The following NRXN3 variants were observed in gnomAD, a reference collection of about 807,000 sequenced individuals.
The protein encoded by NRXN3 is neurexin III.
In NRXN3, 32 loss-of-function variants were observed where a neutral mutation model predicts 137.6. The ratio of observed to expected loss-of-function variants is 0.23; its 90% CI spans 0.18 to 0.31. NRXN3 has a LOEUF of 0.31. Ranked by LOEUF, NRXN3 falls within the 10% of genes least tolerant of loss-of-function variation. The pLI is 1.00. For missense variants in NRXN3, 1,574 were observed against 2,062.5 expected, an observed-to-expected ratio of 0.76 and a Z score of 4.59; for synonymous variants, 798 against 784.5, an observed-to-expected ratio of 1.02 and a Z score of -0.29.
chr14:78,406,510 T>C (rs1397718652), intron 4 of NRXN3, among the ~76,000 whole-genome samples: 1 of 152,114 alleles, frequency 6.6e-6, no homozygotes, highest in African/African-American at 2.4e-5. Flanking sequence ...AGAATAAATT[T>C]TGCAAAAGGA....
intron 10 of NRXN3, among the ~76,000 whole-genome samples, chr14:78,952,937 T>A (rs1290190329): frequency 6.6e-6 from 1 of 152,192 alleles, no homozygotes; most frequent in Non-Finnish European, 1.5e-5. Context: ...ATGGAAGGAA[T>A]TTCTACCCCC....
chr14:79,276,593 C>A (rs546850759), intron 15 of NRXN3, among the ~76,000 whole-genome samples: 32 of 151,732 alleles, frequency 2.1e-4, no homozygotes, highest in Non-Finnish European at 3.5e-4. Flanking sequence ...TTTTGTACTG[C>A]ATTAAGGATT....
At chr14:79,457,440 G>A (rs1386760642) in intron 15 of NRXN3, among the ~76,000 whole-genome samples, 4 of 152,094 alleles carry the variant, frequency 2.6e-5, no homozygotes, top group Non-Finnish European at 4.4e-5. Context: ...AAGTGTTGTC[G>A]CCTTCTTAAT....
At chr14:79,333,811 T>C (rs2092001242) in intron 15 of NRXN3, among the ~76,000 whole-genome samples, 1 of 152,210 alleles carries the variant, frequency 6.6e-6, no homozygotes, top group African/African-American at 2.4e-5. Flanking sequence ...TCAGATATCC[T>C]TGTGCAGTGA....
chr14:78,539,510 A>G lies in NRXN3; in HGVS notation c.758-105610A>G, dbSNP rs1600144950. ...TTGATTCTTCTCTCTTTTCTTCTTT[A>G]TTAGTCTTGCTAGTGATCTATCAAT... On this transcript the variant is annotated intron_variant, in intron 4 of 20. Transcript: ENST00000335750. Among the ~76,000 whole-genome samples the G allele has an allele frequency of 2.0e-5, 3 of 150,932 alleles. No individual in the cohort carries two copies. In the East Asian group the frequency reaches 5.9e-4, roughly 29 times the overall value.
intron 3 of NRXN3, among the ~76,000 whole-genome samples, chr14:78,296,382 T>C (rs766130144): frequency 5.3e-5 from 8 of 152,146 alleles, no homozygotes; most frequent in African/African-American, 1.7e-4. Context: ...ACTGAATTCA[T>C]ACACCTGTTC....
intron 20 of NRXN3, among the ~76,000 whole-genome samples, chr14:79,809,487 C>T (rs1376202628): frequency 1.3e-5 from 2 of 152,110 alleles, no homozygotes; most frequent in Non-Finnish European, 2.9e-5. Flanking sequence ...TTTTCCTATC[C>T]CTACCTTTTT....
intron 4 of NRXN3, among the ~76,000 whole-genome samples, chr14:78,354,985 C>A (rs892058750): frequency 1.3e-5 from 2 of 152,104 alleles, no homozygotes; most frequent in Non-Finnish European, 2.9e-5. Context: ...GCAGAGAAAC[C>A]AGGAGACCCT....
intron 4 of NRXN3, among the ~76,000 whole-genome samples, chr14:78,519,807 A>G (rs12587931): frequency 0.68 from 103,902 of 152,016 alleles, 35,716 homozygotes; most frequent in East Asian, 0.72. Context: ...CAAAGGACCC[A>G]CATGTATGAA....
intron 4 of NRXN3, among the ~76,000 whole-genome samples, chr14:78,561,842 A>G (rs1464840064): frequency 6.6e-6 from 1 of 152,192 alleles, no homozygotes; most frequent in African/African-American, 2.4e-5. Flanking sequence ...TCTGACAATC[A>G]TACTATACCT....
intron 16 of NRXN3, among the ~76,000 whole-genome samples, chr14:79,572,309 A>G (rs901353686): frequency 2.0e-5 from 3 of 152,212 alleles, no homozygotes; most frequent in African/African-American, 7.2e-5. Context: ...CTAAGATACC[A>G]CAGTAGTATC....
At chr14:78,251,057 A>T (rs2068542832) in intron 2 of NRXN3, among the ~76,000 whole-genome samples, 4 of 152,190 alleles carry the variant, frequency 2.6e-5, no homozygotes, top group Non-Finnish European at 5.9e-5. Context: ...TAGTGAAGTG[A>T]CTGGGATTGG....
intron 4 of NRXN3, among the ~76,000 whole-genome samples, chr14:78,535,649 A>T (rs1566672771): frequency 6.6e-6 from 1 of 152,232 alleles, no homozygotes; most frequent in Non-Finnish European, 1.5e-5. Flanking sequence ...AGTCCGAAGG[A>T]TGATATGATG....
chr14:78,386,146 A>G (rs1473915092), intron 4 of NRXN3, among the ~76,000 whole-genome samples: 1 of 152,194 alleles, frequency 6.6e-6, no homozygotes, highest in East Asian at 1.9e-4. Context: ...GCGGGCAGAC[A>G]GAAACAGTTA....
chr14:79,699,891 C>T (rs1011368881), intron 19 of NRXN3, among the ~76,000 whole-genome samples: 14 of 151,962 alleles, frequency 9.2e-5, no homozygotes, highest in African/African-American at 3.4e-4. Context: ...GTAAGTACAT[C>T]CTCTTGGAGG....
At chr14:78,638,865 GAGT>G (rs1020367972) in intron 4 of NRXN3, among the ~76,000 whole-genome samples, 1 of 152,220 alleles carries the variant, frequency 6.6e-6, no homozygotes, top group African/African-American at 2.4e-5. Flanking sequence ...CCCCAGGAAT[GAGT>G]AGAACTGTGC....
chr14:79,604,427 G>C (rs937383523), intron 16 of NRXN3, among the ~76,000 whole-genome samples: 2 of 151,472 alleles, frequency 1.3e-5, no homozygotes, highest in African/African-American at 4.9e-5. Flanking sequence ...TAGGGACGAG[G>C]TTTCACCATG....
At chr14:79,540,333 T>G (rs1449852881) in intron 16 of NRXN3, among the ~76,000 whole-genome samples, 3 of 98,566 alleles carry the variant, frequency 3.0e-5, no homozygotes, top group African/African-American at 1.0e-4. Flanking sequence ...TGGGGCACAG[T>G]GAGATGTTTG....
At chr14:79,095,454 G>A (rs1050488713) in intron 15 of NRXN3, among the ~76,000 whole-genome samples, 1 of 152,052 alleles carries the variant, frequency 6.6e-6, no homozygotes. Context: ...GCAGACTAGA[G>A]AGTTATCAAG....
Sources: allele counts gnomAD v4.1 joint callset (sites outside exome capture counted in the v4.1 genomes callset), GRCh38; gene constraint gnomAD v4.1.1; transcripts MANE v1.5; gene names NCBI Gene and HGNC (gene_info 2026-07-23, HGNC 2026-07-21).